CPXM2: variants seen among roughly 807,000 people sequenced by gnomAD.
CPXM2 encodes the protein inactive carboxypeptidase-like protein X2.
In CPXM2, 66 loss-of-function variants were observed where a neutral mutation model predicts 86.1. That is an observed-to-expected ratio of 0.77 (90% CI 0.63 to 0.94). CPXM2 has a LOEUF of 0.94. Among genes scored for constraint, CPXM2 ranks in the 40% least tolerant of loss-of-function variants. CPXM2 has a pLI of 0.00. For missense variants in CPXM2, 948 were observed against 1,026.3 expected (o/e 0.92, Z 1.04); for synonymous variants, 388 against 400.2 (o/e 0.97, Z 0.36).
At chr10:123,930,230 C>T (rs554554678) in intron 2 of CPXM2, among the ~76,000 whole-genome samples, 1 of 152,182 alleles carries the variant, frequency 6.6e-6, no homozygotes, top group African/African-American at 2.4e-5. Context: ...AATCCCAGAC[C>T]CCTCTCCTGG....
At position 123,847,262 on chromosome 10, in the gene CPXM2, C is replaced by T. The variant is rs143855898; in HGVS notation, c.514-4774G>A. On this transcript the variant is annotated intron_variant, in intron 3 of 13. Transcript: ENST00000241305. ...ATTTCAGGCCAGGTGCGGTGGCTCA[C>T]GCCTGTAATCCCAGCACTTTGGGAG... is the stretch of plus-strand genomic sequence containing the variant. Among the ~76,000 whole-genome samples the T allele has an allele frequency of 2.4e-3, 366 of 152,290 alleles. 1 individual carries two copies. The highest frequency in any genetic ancestry group is 4.3e-3 in the Non-Finnish European group (290 of 68,020).
upstream of CPXM2, among the ~76,000 whole-genome samples, chr10:123,894,858 A>C (rs1208208672): frequency 6.6e-6 from 1 of 152,118 alleles, no homozygotes; most frequent in Non-Finnish European, 1.5e-5. Flanking sequence ...AGATGATGGG[A>C]ATCCGTGCTC....
chr10:123,914,378 C>T (rs1018137468), intron 2 of CPXM2, among the ~76,000 whole-genome samples: 1 of 152,194 alleles, frequency 6.6e-6, no homozygotes, highest in African/African-American at 2.4e-5. Flanking sequence ...GGCCCCTTTT[C>T]ACTTCCAGCT....
At position 123,865,149 on chromosome 10, in the gene CPXM2, A is replaced by G. The variant is rs1175317254; in HGVS notation, c.404-2426T>C. Reference sequence around the variant, plus strand: ...CTTTGGTGGGGGAGCCCAGATAAACACACACGAACTTGGCCTGCTCGCAAA... The same window carrying G: ...CTTTGGTGGGGGAGCCCAGATAAACGCACACGAACTTGGCCTGCTCGCAAA... On this transcript the variant is annotated intron_variant, in intron 2 of 13. Transcript: ENST00000241305. The surrounding 1 kb of genome is among the most constrained non-coding windows in gnomAD (Gnocchi z 4.7). Among the ~76,000 whole-genome samples, 1 of 152,180 alleles carries G rather than the reference A, an allele frequency of 6.6e-6. No individual in the cohort carries two copies. The highest frequency in any genetic ancestry group is 2.4e-5 in the African/African-American group (1 of 41,428).
intron 2 of CPXM2, among the ~76,000 whole-genome samples, chr10:123,870,315 G>C (rs1944871147): frequency 6.6e-6 from 1 of 152,190 alleles, no homozygotes; most frequent in Admixed American, 6.5e-5. Context: ...ACCAGGAAAA[G>C]AGCTGGAGCC....
At chr10:123,930,085 C>T (rs1476236702) in intron 2 of CPXM2, among the ~76,000 whole-genome samples, 1 of 152,202 alleles carries the variant, frequency 6.6e-6, no homozygotes, top group African/African-American at 2.4e-5. Context: ...ACGCAGCCAC[C>T]AGCCTGGTCC....
chr10:123,891,567 C>T lies in CPXM2; in HGVS notation c.93G>A (p.Glu31=). ...TCTCCTGCCCGTAATAATCAGGGTC[C>T]TCGAGGGCTGCGCCCTGGGCTCCGA... is the stretch of plus-strand genomic sequence containing the variant. ...AGVGAQGAAL[E]DPDYYGQEIW... The change falls in exon 1 of 14, where the codon GAG becomes GAA. Residue 31 remains glutamate, a synonymous_variant. Transcript: ENST00000241305. This position sits in a 1 kb window ranked among gnomAD's most constrained non-coding sequence, Gnocchi z 5.6. 1 of 1,545,414 alleles carries T rather than the reference C, an allele frequency of 6.5e-7. No homozygotes were observed. The highest frequency in any genetic ancestry group is 8.7e-7 in the Non-Finnish European group (1 of 1,144,244).
intron 3 of CPXM2, among the ~76,000 whole-genome samples, chr10:123,853,438 G>A (rs1400789131): frequency 1.3e-5 from 2 of 152,198 alleles, no homozygotes; most frequent in Non-Finnish European, 2.9e-5. Flanking sequence ...TCAGCACCTA[G>A]AACACGACCC....
intron 12 of CPXM2, among the ~76,000 whole-genome samples, chr10:123,755,475 G>A (rs914987013): frequency 3.3e-5 from 5 of 152,354 alleles, no homozygotes; most frequent in African/African-American, 1.2e-4. Context: ...TCTTGCACCA[G>A]AAAGTCTTCC....
intron 2 of CPXM2, among the ~76,000 whole-genome samples, chr10:123,903,618 G>A (rs1404588673): frequency 6.6e-6 from 1 of 152,198 alleles, no homozygotes; most frequent in African/African-American, 2.4e-5. Context: ...CTCAGGGATA[G>A]GGGAAGAGGA....
intron 2 of CPXM2, among the ~76,000 whole-genome samples, chr10:123,868,212 C>T (rs547719888): frequency 3.9e-5 from 6 of 152,272 alleles, no homozygotes; most frequent in Admixed American, 2.0e-4. Context: ...TCCCTTAGGC[C>T]AGCGCCCAAG....
At chr10:123,877,507 T>C (rs942477685) in intron 2 of CPXM2, among the ~76,000 whole-genome samples, 11 of 152,124 alleles carry the variant, frequency 7.2e-5, no homozygotes, top group Non-Finnish European at 1.0e-4. Context: ...GGACCAGTGG[T>C]CTAGGTATGC....
At chr10:123,777,491 G>C (rs1352063089) in intron 7 of CPXM2, 2 of 152,712 alleles carry the variant, frequency 1.3e-5, no homozygotes, top group Non-Finnish European at 2.9e-5. Context: ...TTCAGGCACA[G>C]AGGCCCGCCC....
In CPXM2 at chr10:123,916,438, C is replaced by T. The variant is rs1404685937; in HGVS notation, n.174+23039G>A. Among the ~76,000 whole-genome samples the T allele has an allele frequency of 2.0e-5, 3 of 152,292 alleles. 1 individual carries two copies. The highest frequency in any genetic ancestry group is 4.1e-4 in the South Asian group (2 of 4,820). ...CCATCAAGTCACTTAGCTAAGCACTCCCACCCCACCCCCATTCACTCTGTG... is the reference window on the plus strand; with the variant it reads ...CCATCAAGTCACTTAGCTAAGCACTTCCACCCCACCCCCATTCACTCTGTG... On this transcript the variant is annotated intron_variant and non_coding_transcript_variant, in intron 2 of 19. Coordinates refer to the CPXM2 transcript ENST00000368854.
intron 2 of CPXM2, among the ~76,000 whole-genome samples, chr10:123,930,674 A>G (rs574890350): frequency 6.6e-6 from 1 of 152,136 alleles, no homozygotes; most frequent in Non-Finnish European, 1.5e-5. Context: ...ATTGCATAAC[A>G]CTCCTGAGAG....
chr10:123,939,801 C>T (rs1456721602), intron 1 of CPXM2, among the ~76,000 whole-genome samples: 1 of 152,158 alleles, frequency 6.6e-6, no homozygotes, highest in East Asian at 1.9e-4. Context: ...TGTCCCAGAG[C>T]CTGGGCGCAC....
At chr10:123,880,170 G>T in intron 2 of CPXM2, 41 bp downstream of exon 2, 1 of 457,474 alleles carries the variant, frequency 2.2e-6, no homozygotes, top group Non-Finnish European at 4.4e-6. Flanking sequence ...CCTGAACAGG[G>T]CCTAGGACTG....
intron 2 of CPXM2, among the ~76,000 whole-genome samples, chr10:123,897,952 G>A (rs551680760): frequency 1.3e-5 from 2 of 152,302 alleles, no homozygotes; most frequent in African/African-American, 4.8e-5. Context: ...GGGGCTCTCT[G>A]AAACAGCAGT....
At chr10:123,764,951 AT>A in intron 10 of CPXM2, among the ~76,000 whole-genome samples, 1 of 152,214 alleles carries the variant, frequency 6.6e-6, no homozygotes, top group African/African-American at 2.4e-5. Context: ...TTTCATTATT[AT>A]TCAGTTCTAA....
Sources: gnomAD v4.1 joint callset for allele counts (sites outside exome capture counted in the v4.1 genomes callset) on GRCh38, gnomAD v4.1.1 for gene constraint, Gnocchi (gnomAD v3.1) non-coding constraint, MANE v1.5 for transcripts, NCBI Gene and HGNC (gene_info 2026-07-23, HGNC 2026-07-21) for gene names.